The following CPEB4 variants were observed in gnomAD, a reference collection of about 807,000 sequenced individuals.
CPEB4 encodes cytoplasmic polyadenylation element-binding protein 4.
Under a neutral mutation model 72.5 loss-of-function variants are expected in CPEB4, and 12 were observed. That is an observed-to-expected ratio of 0.17 (90% CI 0.11 to 0.27). CPEB4 has a LOEUF of 0.27. Ranked by LOEUF, CPEB4 falls within the 10% of genes least tolerant of loss-of-function variation. The pLI, the probability that CPEB4 is intolerant of heterozygous loss-of-function variation, is 1.00. For missense variants in CPEB4, 614 were observed against 908.5 expected, an observed-to-expected ratio of 0.68 and a Z score of 4.17; for synonymous variants, 302 against 326.3, an observed-to-expected ratio of 0.93 and a Z score of 0.80.
intron 1 of CPEB4, among the ~76,000 whole-genome samples, chr5:173,905,286 T>G (rs2113158009): frequency 6.6e-6 from 1 of 152,108 alleles, no homozygotes. Flanking sequence ...AGTAGATTTT[T>G]TTTGAAAGAA....
Position 173,912,918 on chromosome 5 carries a change from C to CAAA in CPEB4, c.1207+2332_1207+2334dup, listed in dbSNP as rs397959791. Among the ~76,000 whole-genome samples, 440 of 88,940 alleles carry CAAA rather than the reference C, an allele frequency of 4.9e-3. 6 individuals carry two copies. The highest frequency in any genetic ancestry group is 0.016 in the African/African-American group (414 of 25,178). The allele number at this position is 88,940 out of a possible 152,430, so 58.3% of individuals were successfully genotyped here. ...GTTCCTGCTCTTTAAGACCCTGTCT[C>CAAA]AAAAAAAAAAAAAAAAAAAAGTATG... On this transcript the variant is annotated intron_variant, in intron 2 of 9. Transcript: ENST00000265085.
At chr5:173,946,323 C>CT (rs1344990992) in intron 5 of CPEB4, among the ~76,000 whole-genome samples, 1 of 152,008 alleles carries the variant, frequency 6.6e-6, no homozygotes, top group Non-Finnish European at 1.5e-5. Flanking sequence ...GAATTGTGCA[C>CT]TAAAAATTAC....
intron 1 of CPEB4, among the ~76,000 whole-genome samples, chr5:173,902,722 C>T (rs192511231): frequency 5.7e-4 from 86 of 152,130 alleles, no homozygotes; most frequent in Non-Finnish European, 8.4e-4. Flanking sequence ...AATCATGGGG[C>T]GTTGACAGAC....
chr5:173,914,521 C>T (rs1277959135), intron 2 of CPEB4, among the ~76,000 whole-genome samples: 2 of 152,144 alleles, frequency 1.3e-5, no homozygotes, highest in East Asian at 3.9e-4. Flanking sequence ...TTTGGGAGGG[C>T]CAGGTGGGTG....
In CPEB4 at chr5:173,944,991, A is replaced by G; in HGVS notation, c.1307A>G (p.Glu436Gly). Residue 436 changes from glutamate to glycine, a missense_variant, in exon 5 of 10, where the codon GAA becomes GGA. Glu to Gly is a moderately conservative substitution (Grantham distance 98, BLOSUM62 -2). This residue lies in a region of CPEB4 where 458 missense variants were observed against 548.6 expected (regional missense o/e 0.83). Coordinates refer to ENST00000265085, the MANE Select transcript of CPEB4 (RefSeq NM_030627.4). Reference sequence around the variant, plus strand: ...GGTCAGTCTTCACTGTTTCCAATGGAAGATGGATTCTTGGATGATGGCCGT... The same window carrying G: ...GGTCAGTCTTCACTGTTTCCAATGGGAGATGGATTCTTGGATGATGGCCGT... ...RRGQSSLFPMEDGFLDDGRGD... is the reference protein window; with the variant it reads ...RRGQSSLFPMGDGFLDDGRGD... The G allele has an allele frequency of 6.2e-7, 1 of 1,612,500 alleles. No homozygotes were observed. Among genetic ancestry groups the G allele is most frequent in the Non-Finnish European group, 8.5e-7 (1 of 1,179,054 alleles).
chr5:173,894,185 G>C (rs1464169715), intron 1 of CPEB4, among the ~76,000 whole-genome samples: 1 of 152,054 alleles, frequency 6.6e-6, no homozygotes, highest in African/African-American at 2.4e-5. Context: ...TGTAGAGACA[G>C]GGTTTCACCA....
chr5:173,945,926 A>G (rs1758000843), intron 5 of CPEB4, among the ~76,000 whole-genome samples: 1 of 152,234 alleles, frequency 6.6e-6, no homozygotes. Context: ...AGCAGACCTT[A>G]TAGCATATTT....
chr5:173,905,859 T>C (rs1756417788), intron 1 of CPEB4, among the ~76,000 whole-genome samples: 2 of 152,212 alleles, frequency 1.3e-5, no homozygotes, highest in South Asian at 4.1e-4. Flanking sequence ...ATTTTGGAGT[T>C]AGGACAGGGA....
At chr5:173,907,373 A>G (rs1273505092) in intron 1 of CPEB4, among the ~76,000 whole-genome samples, 1 of 152,270 alleles carries the variant, frequency 6.6e-6, no homozygotes, top group Non-Finnish European at 1.5e-5. Context: ...AATAGTTCTT[A>G]TAAAACAAAC....
intron 2 of CPEB4, among the ~76,000 whole-genome samples, chr5:173,913,836 G>A (rs1161461917): frequency 2.0e-5 from 3 of 152,210 alleles, no homozygotes; most frequent in Non-Finnish European, 4.4e-5. Context: ...AATCAGATCT[G>A]GTTAAACGGC....
intron 1 of CPEB4, among the ~76,000 whole-genome samples, chr5:173,894,715 G>T (rs1247113481): frequency 6.6e-6 from 1 of 151,768 alleles, no homozygotes; most frequent in Admixed American, 6.6e-5. Context: ...CTATGAAGCA[G>T]AAATTATTAT....
Position 173,959,505 on chromosome 5 carries a change from A to G in CPEB4, c.*3368A>G, listed in dbSNP as rs1758481993. 6.5e-6 allele frequency: 1 copy of G among 152,770 alleles called. No individual in the cohort carries two copies. The highest frequency in any genetic ancestry group is 2.4e-5 in the African/African-American group (1 of 41,458). 9.5% of individuals were successfully genotyped at this position (152,770 alleles called of 1,614,324 possible). ...GGTGATTTAAAACTTGAATGTGATGAATTGTGGCAAGTTAACTTCAAGTTA... is the reference window on the plus strand; with the variant it reads ...GGTGATTTAAAACTTGAATGTGATGGATTGTGGCAAGTTAACTTCAAGTTA... On this transcript the variant is annotated 3_prime_UTR_variant, in exon 10 of 10. Coordinates refer to ENST00000265085, the MANE Select transcript of CPEB4 (RefSeq NM_030627.4).
intron 2 of CPEB4, among the ~76,000 whole-genome samples, chr5:173,922,786 C>T (rs915657513): frequency 6.6e-6 from 1 of 152,234 alleles, no homozygotes; most frequent in Non-Finnish European, 1.5e-5. Flanking sequence ...AACTTTTGCG[C>T]TGCTTTGGAT....
chr5:173,891,758 A>G (rs1212598001), intron 1 of CPEB4, among the ~76,000 whole-genome samples: 2 of 152,228 alleles, frequency 1.3e-5, no homozygotes, highest in Non-Finnish European at 2.9e-5. Flanking sequence ...TGAACGTCAG[A>G]TGCTCCACTA....
intron 2 of CPEB4, among the ~76,000 whole-genome samples, chr5:173,915,711 T>A (rs112096666): frequency 2.0e-5 from 3 of 152,352 alleles, no homozygotes; most frequent in African/African-American, 7.2e-5. Flanking sequence ...GATGCCTAGA[T>A]GATTATTTGG....
chr5:173,907,728 G>C (rs1446626298), intron 1 of CPEB4, among the ~76,000 whole-genome samples: 1 of 152,176 alleles, frequency 6.6e-6, no homozygotes, highest in Non-Finnish European at 1.5e-5. Context: ...CAGAAATACA[G>C]GACAGTGCTT....
chr5:173,939,457 GAA>G (rs1757751216), intron 3 of CPEB4, among the ~76,000 whole-genome samples: 1 of 151,966 alleles, frequency 6.6e-6, no homozygotes, highest in South Asian at 2.1e-4. Flanking sequence ...CAACAAATGA[GAA>G]AAAAGTACTT....
At chr5:173,931,314 T>C (rs545727251) in intron 2 of CPEB4, among the ~76,000 whole-genome samples, 34 of 152,340 alleles carry the variant, frequency 2.2e-4, no homozygotes, top group African/African-American at 6.0e-4. Flanking sequence ...CCGCAAGCCA[T>C]TGGAGAACCT....
chr5:173,914,165 T>C, intron 2 of CPEB4, among the ~76,000 whole-genome samples: 1 of 152,186 alleles, frequency 6.6e-6, no homozygotes, highest in Non-Finnish European at 1.5e-5. Flanking sequence ...ACCATGACCT[T>C]TGTATCATTG....
Sources: allele counts gnomAD v4.1 joint callset (sites outside exome capture counted in the v4.1 genomes callset), GRCh38; gene constraint gnomAD v4.1.1; regional missense constraint gnomAD v4.1.1; transcripts MANE v1.5; gene names NCBI Gene and HGNC (gene_info 2026-07-23, HGNC 2026-07-21).